Variants in AGBL1 observed in about 807,000 individuals in gnomAD.
AGBL1 encodes the protein cytosolic carboxypeptidase 4.
A neutral mutation model predicts 118.9 loss-of-function variants in AGBL1; 130 were observed. That is an observed-to-expected ratio of 1.09 (90% CI 0.95 to 1.26). The LOEUF (loss-of-function observed/expected upper bound fraction) is 1.26, where lower values mean the gene tolerates loss of function less well. AGBL1 is among the 50% of genes most tolerant of loss of function. The pLI, the probability that AGBL1 is intolerant of heterozygous loss-of-function variation, is 0.00. For synonymous variants in AGBL1, 555 were observed against 478.9 expected (o/e 1.16, Z -2.08); for missense variants, 1,584 against 1,298.1 (o/e 1.22, Z -3.38).
At chr15:86,259,306 T>C (rs2078946162) in intron 9 of AGBL1, among the ~76,000 whole-genome samples, 1 of 152,232 alleles carries the variant, frequency 6.6e-6, no homozygotes, top group Non-Finnish European at 1.5e-5. Context: ...GAATTATAAT[T>C]CTATCTCCAT....
chr15:86,317,575 C>T (rs1018722564), intron 17 of AGBL1, among the ~76,000 whole-genome samples: 4 of 151,948 alleles, frequency 2.6e-5, no homozygotes, highest in Non-Finnish European at 4.4e-5. Context: ...CTTTGAGAGG[C>T]GAAAGAATTT....
At chr15:86,602,661 T>C (rs2084514428) in intron 21 of AGBL1, among the ~76,000 whole-genome samples, 1 of 152,160 alleles carries the variant, frequency 6.6e-6, no homozygotes, top group Non-Finnish European at 1.5e-5. Flanking sequence ...ATCATAATTA[T>C]GATTTAGTGG....
intron 18 of AGBL1, among the ~76,000 whole-genome samples, chr15:86,456,987 A>G (rs920500731): frequency 6.6e-5 from 10 of 152,182 alleles, no homozygotes; most frequent in African/African-American, 1.7e-4. Flanking sequence ...CAAAAATTAT[A>G]TATGTAGAGA....
intron 22 of AGBL1, among the ~76,000 whole-genome samples, chr15:86,884,426 T>C (rs147646014): frequency 7.0e-4 from 106 of 152,344 alleles, no homozygotes; most frequent in Non-Finnish European, 8.2e-4. Context: ...CATTCATTGT[T>C]TTTGGACCGA....
intron 22 of AGBL1, among the ~76,000 whole-genome samples, chr15:86,886,890 A>G (rs1177561108): frequency 1.3e-5 from 2 of 152,150 alleles, no homozygotes; most frequent in Admixed American, 1.3e-4. Context: ...AGAAATAAGT[A>G]AAGACGAGGT....
intron 18 of AGBL1, among the ~76,000 whole-genome samples, chr15:86,517,450 A>T (rs145840023): frequency 5.3e-5 from 8 of 152,308 alleles, no homozygotes; most frequent in Admixed American, 5.2e-4. Flanking sequence ...ACTATTTTGT[A>T]TTTAGACCTA....
chr15:86,182,953 A>G (rs1414806587), intron 5 of AGBL1, among the ~76,000 whole-genome samples: 1 of 152,202 alleles, frequency 6.6e-6, no homozygotes. Flanking sequence ...AGTATCACTA[A>G]TATGATGCTC....
chr15:86,444,135 A>G (rs1368736137), intron 18 of AGBL1, among the ~76,000 whole-genome samples: 1 of 152,110 alleles, frequency 6.6e-6, no homozygotes, highest in Non-Finnish European at 1.5e-5. Context: ...TGTCTTTTTG[A>G]TAATAGCCAT....
At chr15:86,966,129 G>A (rs1432528857) in intron 23 of AGBL1, among the ~76,000 whole-genome samples, 4 of 151,920 alleles carry the variant, frequency 2.6e-5, no homozygotes, top group East Asian at 3.9e-4. Context: ...AAATATTACT[G>A]AAAACGCCTT....
intron 21 of AGBL1, among the ~76,000 whole-genome samples, chr15:86,619,436 G>T (rs1241686520): frequency 1.3e-5 from 2 of 152,160 alleles, no homozygotes; most frequent in Non-Finnish European, 2.9e-5. Flanking sequence ...AGTGGGAAAT[G>T]ATAAAGTTCA....
intron 3 of AGBL1, 47 bp from the exon 4 acceptor site, chr15:86,154,383 A>G (rs1406879181): frequency 1.9e-6 from 3 of 1,593,024 alleles, no homozygotes; most frequent in Non-Finnish European, 1.7e-6. Context: ...TGTACAATCC[A>G]GAATCAATGT....
intron 22 of AGBL1, among the ~76,000 whole-genome samples, chr15:86,747,530 C>G (rs994711131): frequency 6.6e-6 from 1 of 152,104 alleles, no homozygotes; most frequent in Non-Finnish European, 1.5e-5. Context: ...GCACAACGTG[C>G]AGGTTTGTTA....
chr15:86,259,451 T>TA (rs951438274), intron 9 of AGBL1, among the ~76,000 whole-genome samples: 1 of 151,984 alleles, frequency 6.6e-6, no homozygotes, highest in Non-Finnish European at 1.5e-5. Context: ...AAACTCAAAT[T>TA]AAAAAAAATC....
intron 5 of AGBL1, among the ~76,000 whole-genome samples, chr15:86,212,645 G>A (rs1173624711): frequency 6.6e-6 from 1 of 150,656 alleles, no homozygotes; most frequent in Non-Finnish European, 1.5e-5. Context: ...GGGATTGACA[G>A]TTATTTTTAT....
At chr15:86,884,538 T>C (rs1298741924) in intron 22 of AGBL1, among the ~76,000 whole-genome samples, 1 of 152,172 alleles carries the variant, frequency 6.6e-6, no homozygotes, top group African/African-American at 2.4e-5. Context: ...ATAGGCTGGG[T>C]GCAGTGGCTC....
chr15:86,952,199 C>G (rs1346007827), intron 23 of AGBL1, among the ~76,000 whole-genome samples: 1 of 151,802 alleles, frequency 6.6e-6, no homozygotes. Context: ...CTGCTGCACT[C>G]CAGCCTGGAC....
chr15:86,167,746 G>A (rs557279790), intron 5 of AGBL1, among the ~76,000 whole-genome samples: 1 of 152,316 alleles, frequency 6.6e-6, no homozygotes, highest in African/African-American at 2.4e-5. Flanking sequence ...GGGTCAAAAG[G>A]AGGCCATCAC....
intron 22 of AGBL1, among the ~76,000 whole-genome samples, chr15:86,742,730 A>C (rs1041406145): frequency 1.6e-4 from 25 of 152,156 alleles, no homozygotes; most frequent in African/African-American, 6.0e-4. Context: ...TCTTTCCTTC[A>C]GTGCTCTATT....
chr15:86,809,005 T>G (rs982477193), intron 22 of AGBL1, among the ~76,000 whole-genome samples: 1 of 152,212 alleles, frequency 6.6e-6, no homozygotes, highest in African/African-American at 2.4e-5. Context: ...ATGGTTTCTT[T>G]CGTAAAGTAC....
Sources: allele counts gnomAD v4.1 joint callset (sites outside exome capture counted in the v4.1 genomes callset), GRCh38; gene constraint gnomAD v4.1.1; transcripts MANE v1.5; gene names NCBI Gene and HGNC (gene_info 2026-07-23, HGNC 2026-07-21).